Variants in PHACTR1 observed in about 807,000 individuals in gnomAD.
PHACTR1 encodes phosphatase and actin regulator 1.
A neutral mutation model predicts 69.2 loss-of-function variants in PHACTR1; 16 were observed. That is an observed-to-expected ratio of 0.23 (90% CI 0.16 to 0.35). The LOEUF (loss-of-function observed/expected upper bound fraction) is 0.35, where lower values mean the gene tolerates loss of function less well. Ranked by LOEUF, PHACTR1 falls within the 10% of genes least tolerant of loss-of-function variation. The pLI, the probability that PHACTR1 is intolerant of heterozygous loss-of-function variation, is 1.00. For missense variants in PHACTR1, 510 were observed against 734.7 expected, an observed-to-expected ratio of 0.69 and a Z score of 3.54; for synonymous variants, 312 against 284.5, an observed-to-expected ratio of 1.10 and a Z score of -0.97.
At chr6:13,171,246 C>T (rs1293781731) in intron 6 of PHACTR1, among the ~76,000 whole-genome samples, 2 of 146,940 alleles carry the variant, frequency 1.4e-5, no homozygotes, top group Non-Finnish European at 3.0e-5. Flanking sequence ...GCCATGTGTG[C>T]CTCTGTAGTT....
At chr6:13,218,971 A>G (rs1343454939) in intron 8 of PHACTR1, among the ~76,000 whole-genome samples, 1 of 152,156 alleles carries the variant, frequency 6.6e-6, no homozygotes. Context: ...CTCTCAACCT[A>G]TGCATCTCCT....
intron 10 of PHACTR1, among the ~76,000 whole-genome samples, chr6:13,234,793 G>A (rs943247465): frequency 5.3e-5 from 8 of 152,172 alleles, no homozygotes; most frequent in African/African-American, 1.7e-4. Context: ...CATTGGAGAC[G>A]TGTGGACTGC....
chr6:13,244,324 A>G (rs970470853), intron 10 of PHACTR1, among the ~76,000 whole-genome samples: 2 of 152,246 alleles, frequency 1.3e-5, no homozygotes, highest in Non-Finnish European at 2.9e-5. Flanking sequence ...CACAGCTGCC[A>G]GGCGAAATTA....
At chr6:12,912,946 C>A (rs371837002) in intron 4 of PHACTR1, among the ~76,000 whole-genome samples, 2 of 152,270 alleles carry the variant, frequency 1.3e-5, no homozygotes, top group South Asian at 2.1e-4. Context: ...TGGAATGAGA[C>A]CCTGTCTCAA....
At chr6:13,140,575 C>G (rs976970266) in intron 5 of PHACTR1, among the ~76,000 whole-genome samples, 4 of 152,126 alleles carry the variant, frequency 2.6e-5, no homozygotes, top group African/African-American at 9.7e-5. Context: ...AATGAGACAC[C>G]TATCATAGCC....
At position 12,885,471 on chromosome 6, in the gene PHACTR1, A is replaced by G. The variant is rs531419698; in HGVS notation, c.250+135681A>G. On this transcript the variant is annotated intron_variant, in intron 4 of 14. Coordinates refer to ENST00000332995, the MANE Select transcript of PHACTR1 (RefSeq NM_030948.6). The stretch of plus-strand genomic sequence containing the variant: ...AAAATTGGTTTTCTAGTAAGCAGGG[A>G]TAGAGGATGTTTGAGGCTTTGGCTA... Among the ~76,000 whole-genome samples, 6 of 152,346 alleles carry G rather than the reference A, an allele frequency of 3.9e-5. No homozygotes were observed. The South Asian group carries it at 1.2e-3, about 32-fold the overall frequency.
At chr6:13,257,674 C>A (rs935202693) in intron 10 of PHACTR1, among the ~76,000 whole-genome samples, 1 of 152,134 alleles carries the variant, frequency 6.6e-6, no homozygotes, top group Non-Finnish European at 1.5e-5. Context: ...TATTTCTTTC[C>A]TTATTGCTCA....
chr6:12,871,517 C>A (rs1201093959), intron 4 of PHACTR1, among the ~76,000 whole-genome samples: 3 of 152,124 alleles, frequency 2.0e-5, no homozygotes, highest in African/African-American at 7.2e-5. Context: ...GCATTTCCTG[C>A]ATTCTAGATT....
At position 13,013,835 on chromosome 6, in the gene PHACTR1, G is replaced by GGCAGCGCGCGGGGGCCGGA. The variant is rs1204547540; in HGVS notation, c.251-39522_251-39504dup. 3.9e-3 allele frequency among the ~76,000 whole-genome samples: 586 copies of GGCAGCGCGCGGGGGCCGGA among 148,966 alleles called. 1 individual carries two copies. Among genetic ancestry groups the GGCAGCGCGCGGGGGCCGGA allele is most frequent in the African/African-American group, 0.013 (534 of 41,034 alleles). On this transcript the variant is annotated intron_variant, in intron 4 of 14. Transcript: ENST00000332995. ...GCTGGCGAGGCCGAGGGGCGCGAGTGGCAGCGCGCGGGGGCCGGAGCAGCG... is the reference window on the plus strand; with the variant it reads ...GCTGGCGAGGCCGAGGGGCGCGAGTGGCAGCGCGCGGGGGCCGGAGCAGCGCGCGGGGGCCGGAGCAGCG...
Position 13,230,203 on chromosome 6 carries a change from C to T in PHACTR1, c.1391+10C>T, listed in dbSNP as rs750436329. On this transcript the variant is annotated intron_variant, in intron 10 of 14. Coordinates refer to ENST00000332995, the MANE Select transcript of PHACTR1 (RefSeq NM_030948.6). ...GCACCAAGCTCACCAGGTAGGACAG[C>T]GGCACCCTCTGCCTCCCTGGCAGTG... 1.7e-5 allele frequency: 28 copies of T among 1,604,288 alleles called. No homozygotes were observed. Among genetic ancestry groups the T allele is most frequent in the South Asian group, 7.9e-5 (7 of 88,856 alleles).
intron 11 of PHACTR1, 120 bp from the exon 12 acceptor site, chr6:13,278,148 G>A (rs1779335024): frequency 3.3e-6 from 3 of 906,118 alleles, no homozygotes; most frequent in Admixed American, 2.5e-5. Flanking sequence ...GGGGACAGGA[G>A]TACTCTCTTC....
intron 4 of PHACTR1, among the ~76,000 whole-genome samples, chr6:12,819,737 C>T (rs529620042): frequency 4.0e-4 from 61 of 152,254 alleles, no homozygotes; most frequent in African/African-American, 1.3e-3. Flanking sequence ...CAGAATCATT[C>T]AAAGCAGTGA....
chr6:13,140,316 GGA>G (rs202230409), intron 5 of PHACTR1, among the ~76,000 whole-genome samples: 2,871 of 152,190 alleles, frequency 0.019, 65 homozygotes, highest in Admixed American at 0.053. Context: ...ACAGTATCTC[GGA>G]GAGAGAGATG....
intron 4 of PHACTR1, among the ~76,000 whole-genome samples, chr6:13,013,666 G>T (rs1294358608): frequency 6.6e-6 from 1 of 152,032 alleles, no homozygotes; most frequent in African/African-American, 2.4e-5. Context: ...GGAGCGCCCT[G>T]CCTACCCCCT....
intron 4 of PHACTR1, among the ~76,000 whole-genome samples, chr6:12,985,534 AAAAAAAAAT>A (rs1341034161): frequency 7.7e-6 from 1 of 130,552 alleles, no homozygotes; most frequent in Non-Finnish European, 1.6e-5. Context: ...AAATTAAAAA[AAAAAAAAAT>A]ATATATATAT....
chr6:13,022,778 A>T (rs1801152858), intron 4 of PHACTR1, among the ~76,000 whole-genome samples: 2 of 152,024 alleles, frequency 1.3e-5, no homozygotes, highest in South Asian at 4.1e-4. Context: ...GCACCTTGGG[A>T]GGCTGAGATG....
At chr6:12,845,348 A>C (rs1779098404) in intron 4 of PHACTR1, among the ~76,000 whole-genome samples, 1 of 147,692 alleles carries the variant, frequency 6.8e-6, no homozygotes, top group Admixed American at 7.0e-5. Flanking sequence ...TTTGCATTTC[A>C]GTCTCCACTG....
At chr6:12,775,166 T>G (rs760887122) in intron 4 of PHACTR1, among the ~76,000 whole-genome samples, 1 of 133,860 alleles carries the variant, frequency 7.5e-6, no homozygotes, top group Non-Finnish European at 1.6e-5. Context: ...CATTAATTTA[T>G]CACTCAGAGA....
chr6:12,991,400 A>G (rs1362856833), intron 4 of PHACTR1, among the ~76,000 whole-genome samples: 1 of 152,180 alleles, frequency 6.6e-6, no homozygotes, highest in Non-Finnish European at 1.5e-5. Flanking sequence ...TTCCCCTTAC[A>G]GAGCTGATCA....
Sources: gnomAD v4.1 joint callset for allele counts (sites outside exome capture counted in the v4.1 genomes callset) on GRCh38, gnomAD v4.1.1 for gene constraint, MANE v1.5 for transcripts, NCBI Gene and HGNC (gene_info 2026-07-23, HGNC 2026-07-21) for gene names.